Variants in ZNF791 observed in about 807,000 individuals in gnomAD.
ZNF791 encodes zinc finger protein 791.
ZNF791 carries 4 observed loss-of-function variants against 11.5 expected under a neutral mutation model. The ratio of observed to expected loss-of-function variants is 0.35; its 90% CI spans 0.17 to 0.80. The LOEUF (loss-of-function observed/expected upper bound fraction) is 0.80, where lower values mean the gene tolerates loss of function less well. Among genes scored for constraint, ZNF791 ranks in the 30% least tolerant of loss-of-function variants. The pLI, the probability that ZNF791 is intolerant of heterozygous loss-of-function variation, is 0.53. For synonymous variants in ZNF791, 212 were observed against 228.1 expected, an observed-to-expected ratio of 0.93 and a Z score of 0.64; for missense variants, 559 against 699.4, an observed-to-expected ratio of 0.80 and a Z score of 2.26.
In ZNF791 at chr19:12,627,725, C is replaced by T. The variant is rs749726110; in HGVS notation, c.196C>T (p.His66Tyr). Residue 66 changes from histidine to tyrosine, a missense_variant, in exon 4 of 4, where the codon CAT becomes TAT. Physicochemically the swap from His to Tyr is moderately conservative, Grantham distance 83. Transcript: ENST00000343325. ...HKNQGRNLRS[H>Y]TGERLCEGKE... ...CGTGCTTCTAATTTTTTACAGAAGCCATACGGGAGAGAGACTCTGTGAAGG... is the reference window on the plus strand; with the variant it reads ...CGTGCTTCTAATTTTTTACAGAAGCTATACGGGAGAGAGACTCTGTGAAGG... 6.2e-7 allele frequency: 1 copy of T among 1,604,298 alleles called. No homozygotes were observed. The highest frequency in any genetic ancestry group is 8.5e-7 in the Non-Finnish European group (1 of 1,173,698).
chr19:12,622,384 AAAT>A (rs1196230299), intron 1 of ZNF791, among the ~76,000 whole-genome samples: 4 of 131,978 alleles, frequency 3.0e-5, no homozygotes, highest in African/African-American at 1.2e-4. Context: ...TAAATAAAAA[AAAT>A]AATAAAAAAA....
At chr19:12,618,494 A>G (rs980049377) in intron 1 of ZNF791, among the ~76,000 whole-genome samples, 4 of 151,888 alleles carry the variant, frequency 2.6e-5, no homozygotes, top group Non-Finnish European at 5.9e-5. Context: ...CTGGGCAACA[A>G]TGAGACCCCG....
chr19:12,623,923 T>G (rs971163769), intron 2 of ZNF791, 97 bp downstream of exon 2: 2 of 1,082,414 alleles, frequency 1.8e-6, no homozygotes, highest in African/African-American at 3.3e-5. Flanking sequence ...TGGCACAATC[T>G]CAGCTCACCA....
intron 1 of ZNF791, among the ~76,000 whole-genome samples, chr19:12,622,421 A>AC (rs2023367939): frequency 6.8e-6 from 1 of 146,342 alleles, no homozygotes; most frequent in Non-Finnish European, 1.5e-5. Flanking sequence ...CAAAAAAAAA[A>AC]AAAAAAAAAA....
In ZNF791 at chr19:12,628,890, C is replaced by G. The variant is rs770865041; in HGVS notation, c.1361C>G (p.Ala454Gly). 1.2e-6 allele frequency: 2 copies of G among 1,606,284 alleles called. No individual in the cohort carries two copies. The highest frequency in any genetic ancestry group is 2.2e-5 in the South Asian group (2 of 90,484). The change falls in exon 4 of 4, where the codon GCG (alanine) becomes GGG (glycine). Residue 454 changes from alanine (A) to glycine (G), a missense_variant. Coordinates refer to ENST00000343325, the MANE Select transcript of ZNF791 (RefSeq NM_153358.3). Reference protein sequence around the residue: ...DCGKVFIFPSALRTHERTHTG... With the variant: ...DCGKVFIFPSGLRTHERTHTG... The stretch of plus-strand genomic sequence containing the variant: ...GGGAAGGTGTTCATTTTTCCTAGTG[C>G]GTTACGAACACATGAAAGAACTCAC...
chr19:12,627,009 T>C (rs1160373576), intron 3 of ZNF791, among the ~76,000 whole-genome samples: 1 of 152,028 alleles, frequency 6.6e-6, no homozygotes, highest in Non-Finnish European at 1.5e-5. Context: ...GACGAGACCC[T>C]GTCTCTACAA....
chr19:12,628,049 C>A lies in ZNF791; in HGVS notation c.520C>A (p.Pro174Thr). ...TGGAAAAACCTTCATATATCACCAG[C>A]CCTTTCAAAGACATGAGCGGACTCA... ...QCGKTFIYHQ[P>T]FQRHERTHIG... Residue 174 changes from proline to threonine, a missense_variant, in exon 4 of 4, where the codon CCC becomes ACC. Physicochemically the swap from Pro to Thr is conservative, Grantham distance 38. Transcript: ENST00000343325. 6.2e-7 allele frequency: 1 copy of A among 1,612,980 alleles called. No individual in the cohort carries two copies. Among genetic ancestry groups the A allele is most frequent in the East Asian group, 2.2e-5 (1 of 44,842 alleles).
intron 1 of ZNF791, among the ~76,000 whole-genome samples, chr19:12,622,319 C>T (rs1303855843): frequency 7.0e-6 from 1 of 142,046 alleles, no homozygotes; most frequent in Admixed American, 7.2e-5. Flanking sequence ...GTCAAATCCC[C>T]CTCTGTGAGA....
Position 12,627,730 on chromosome 19 carries a change from G to A in ZNF791, c.201G>A (p.Thr67=), listed in dbSNP as rs551534386. The part of the protein sequence containing the change: ...KNQGRNLRSH[T]GERLCEGKEG... ...TTCTAATTTTTTACAGAAGCCATAC[G>A]GGAGAGAGACTCTGTGAAGGTAAAG... Residue 67 remains threonine (T), a synonymous_variant, in exon 4 of 4, where the codon ACG becomes ACA. Coordinates refer to ENST00000343325, the MANE Select transcript of ZNF791 (RefSeq NM_153358.3). 271 of 1,608,778 alleles carry A rather than the reference G, an allele frequency of 1.7e-4. 3 individuals are homozygous for A. In the South Asian group the frequency reaches 2.4e-3, roughly 14 times the overall value.
intron 1 of ZNF791, chr19:12,612,238 T>A: frequency 6.5e-6 from 4 of 616,968 alleles, no homozygotes; most frequent in Non-Finnish European, 8.1e-6. Flanking sequence ...GGGGTCTGGC[T>A]GTGTTGCTCA....
chr19:12,622,824 G>A (rs1290438877), intron 1 of ZNF791, among the ~76,000 whole-genome samples: 1 of 151,512 alleles, frequency 6.6e-6, no homozygotes, highest in Non-Finnish European at 1.5e-5. Context: ...ACCTGGAGGG[G>A]CGGAGGTTGC....
Position 12,632,207 on chromosome 19 carries a change from A to G in ZNF791, c.*2947A>G, listed in dbSNP as rs1438615074. On this transcript the variant is annotated 3_prime_UTR_variant, in exon 4 of 4. Coordinates refer to ENST00000343325, the MANE Select transcript of ZNF791 (RefSeq NM_153358.3). Reference sequence around the variant, plus strand: ...CTCAATCTCCTGACCTCGTGATTCGACCGCCTCAGCCTCCCAAAGTGCTGG... The same window carrying G: ...CTCAATCTCCTGACCTCGTGATTCGGCCGCCTCAGCCTCCCAAAGTGCTGG... The G allele has an allele frequency of 6.6e-6, 1 of 150,942 alleles. No homozygotes were observed. The highest frequency in any genetic ancestry group is 2.0e-4 in the East Asian group (1 of 5,112). 9.4% of individuals were successfully genotyped at this position (150,942 alleles called of 1,614,324 possible).
intron 2 of ZNF791, 49 bp downstream of exon 2, chr19:12,623,875 G>GA (rs763268900): frequency 5.0e-6 from 5 of 992,598 alleles, no homozygotes; most frequent in Admixed American, 5.3e-5. Context: ...TTTTTTGGGG[G>GA]GGGACAGAGT....
rs760593266 is a variant in ZNF791, at chr19:12,629,041, C to T, written c.1512C>T (p.Ala504=). The T allele has an allele frequency of 1.9e-6, 3 of 1,611,942 alleles. No individual in the cohort carries two copies. The highest frequency in any genetic ancestry group is 2.5e-6 in the Non-Finnish European group (3 of 1,179,322). ...KPYECKECGK[A]FIYPTSFQGH... is the part of the protein sequence containing the mutation. ...ATGAATGTAAGGAATGCGGGAAGGC[C>T]TTTATTTATCCCACAAGCTTTCAAG... Residue 504 remains alanine, a synonymous_variant, in exon 4 of 4, where the codon GCC becomes GCT. Transcript: ENST00000343325.
rs757354720 is a variant in ZNF791 at position 12,611,037 on chromosome 19, G to T, written c.-43G>T. On this transcript the variant is annotated 5_prime_UTR_variant, in exon 1 of 4. Coordinates refer to ENST00000343325, the MANE Select transcript of ZNF791 (RefSeq NM_153358.3). Reference sequence around the variant, plus strand: ...ATGCGCTGTACCCTGCGCTGGCTCCGTGAACCTTAGGGACAACACCGGGAC... The same window carrying T: ...ATGCGCTGTACCCTGCGCTGGCTCCTTGAACCTTAGGGACAACACCGGGAC... 6.2e-7 allele frequency: 1 copy of T among 1,614,052 alleles called. No individual in the cohort carries two copies. Among genetic ancestry groups the T allele is most frequent in the Admixed American group, 1.7e-5 (1 of 60,014 alleles).
intron 3 of ZNF791, among the ~76,000 whole-genome samples, chr19:12,625,135 T>C (rs778198238): frequency 2.6e-5 from 4 of 151,962 alleles, no homozygotes; most frequent in African/African-American, 4.8e-5. Flanking sequence ...ATTTATTTTT[T>C]CTTGAGATGA....
rs139002515 is a variant in ZNF791 at position 12,618,892 on chromosome 19, G to T, written c.4-4808G>T. ...GAGATGGAGTCTCACTCTGTTGCCA[G>T]GCTGGAGTGCAGTGGTGTGATCTCA... is the stretch of plus-strand genomic sequence containing the variant. On this transcript the variant is annotated intron_variant, in intron 1 of 3. Coordinates refer to ENST00000343325, the MANE Select transcript of ZNF791 (RefSeq NM_153358.3). Among the ~76,000 whole-genome samples, 1,033 of 150,970 alleles carry T rather than the reference G, an allele frequency of 6.8e-3. 17 individuals are homozygous for T. The highest frequency in any genetic ancestry group is 0.023 in the African/African-American group (939 of 41,072).
intron 3 of ZNF791, among the ~76,000 whole-genome samples, chr19:12,626,065 A>G (rs1223059760): frequency 6.6e-6 from 1 of 151,940 alleles, no homozygotes; most frequent in Non-Finnish European, 1.5e-5. Flanking sequence ...TCACCAGGCT[A>G]GAGTGCTGTG....
At chr19:12,627,441 G>A (rs1203129569) in intron 3 of ZNF791, among the ~76,000 whole-genome samples, 1 of 151,992 alleles carries the variant, frequency 6.6e-6, no homozygotes, top group African/African-American at 2.4e-5. Context: ...AGCCTGACCA[G>A]CATGGTGAAA....
Sources: allele counts gnomAD v4.1 joint callset (sites outside exome capture counted in the v4.1 genomes callset), GRCh38; gene constraint gnomAD v4.1.1; transcripts MANE v1.5; gene names NCBI Gene and HGNC (gene_info 2026-07-23, HGNC 2026-07-21).